Variants in BCAS3 observed in about 807,000 individuals in gnomAD.
The protein encoded by BCAS3 is BCAS4/BCAS3 fusion.
BCAS3 carries 53 observed loss-of-function variants against 116.1 expected under a neutral mutation model. That is an observed-to-expected ratio of 0.46 (90% confidence interval 0.37 to 0.57). The LOEUF (loss-of-function observed/expected upper bound fraction) is 0.57, where lower values mean the gene tolerates loss of function less well. BCAS3 is among the 20% of genes least tolerant of loss of function. BCAS3 has a pLI of 0.00. For missense variants in BCAS3, 917 were observed against 1,165.4 expected, an observed-to-expected ratio of 0.79 and a Z score of 3.10; for synonymous variants, 391 against 408.2, an observed-to-expected ratio of 0.96 and a Z score of 0.51.
In BCAS3 at chr17:60,917,899, C is replaced by T. The variant is rs191418168; in HGVS notation, c.994-6508C>T. Among the ~76,000 whole-genome samples, 214 of 152,208 alleles carry T rather than the reference C, an allele frequency of 1.4e-3. 1 individual carries two copies. Among genetic ancestry groups the T allele is most frequent in the Non-Finnish European group, 2.2e-3 (147 of 67,998 alleles). On this transcript the variant is annotated intron_variant, in intron 12 of 23. Coordinates refer to ENST00000407086, the MANE Select transcript of BCAS3 (RefSeq NM_017679.5). The stretch of plus-strand genomic sequence containing the variant: ...TGAGCTACCGTGCCCCGCCACCTTT[C>T]GCCAATTTTGAATAATGCTTGTGTG...
At chr17:60,757,821 A>G (rs1054203049) in intron 6 of BCAS3, among the ~76,000 whole-genome samples, 1 of 152,116 alleles carries the variant, frequency 6.6e-6, no homozygotes, top group Non-Finnish European at 1.5e-5. Context: ...GGTCTTAGTC[A>G]TGAAGGTTTT....
rs1365846172 is a variant in BCAS3 at position 61,029,176 on chromosome 17, A to T, written c.1638-5490A>T. Among the ~76,000 whole-genome samples the T allele has an allele frequency of 6.6e-6, 1 of 151,976 alleles. No homozygotes were observed. The highest frequency in any genetic ancestry group is 1.5e-5 in the Non-Finnish European group (1 of 67,872). On this transcript the variant is annotated intron_variant, in intron 16 of 23. Coordinates refer to ENST00000407086, the MANE Select transcript of BCAS3 (RefSeq NM_017679.5). The surrounding 1 kb of genome is among the most constrained non-coding windows in gnomAD (Gnocchi z 5.2). ...TTAAATGAAATGTAAATTTTCTACA[A>T]ACTTTTTATTAGTTTCGAGTTGCAA... is the stretch of plus-strand genomic sequence containing the variant.
chr17:60,987,353 A>C (rs1256000306), intron 14 of BCAS3, among the ~76,000 whole-genome samples: 1 of 135,318 alleles, frequency 7.4e-6, no homozygotes, highest in Non-Finnish European at 1.6e-5. Context: ...ACATTTTAGG[A>C]TTTTTTTTTC....
At chr17:60,866,868 TC>T (rs1314489930) in intron 7 of BCAS3, among the ~76,000 whole-genome samples, 1 of 152,152 alleles carries the variant, frequency 6.6e-6, no homozygotes, top group South Asian at 2.1e-4. Flanking sequence ...TTTTATTGAT[TC>T]CCCCTTTGCT....
Position 61,313,684 on chromosome 17 carries a change from G to T in BCAS3, c.2426-54643G>T, listed in dbSNP as rs1308545161. 6.6e-6 allele frequency among the ~76,000 whole-genome samples: 1 copy of T among 152,188 alleles called. No individual in the cohort carries two copies. The highest frequency in any genetic ancestry group is 1.5e-5 in the Non-Finnish European group (1 of 68,036). On this transcript the variant is annotated intron_variant, in intron 22 of 23. Coordinates refer to ENST00000407086, the MANE Select transcript of BCAS3 (RefSeq NM_017679.5). The surrounding 1 kb of genome is among the most constrained non-coding windows in gnomAD (Gnocchi z 4.3). The stretch of plus-strand genomic sequence containing the variant: ...ACAGCATCTGGAGGAGGACTTTCCG[G>T]CCAGGGTACAGCTCCTCTAGGCTGA...
rs1474821277 is a variant in BCAS3 at position 61,026,627 on chromosome 17, G to T, written c.1638-8039G>T. ...TTAGAAATACTACAGGGGTGCTCCA[G>T]AAAAGGGGGAGAAATAGAAAATTTT... On this transcript the variant is annotated intron_variant, in intron 16 of 23. Coordinates refer to ENST00000407086, the MANE Select transcript of BCAS3 (RefSeq NM_017679.5). The surrounding 1 kb of genome is among the most constrained non-coding windows in gnomAD (Gnocchi z 5.0). 6.6e-6 allele frequency among the ~76,000 whole-genome samples: 1 copy of T among 151,894 alleles called. No individual in the cohort carries two copies. Among genetic ancestry groups the T allele is most frequent in the Admixed American group, 6.6e-5 (1 of 15,222 alleles).
chr17:60,706,247 A>G (rs1257727318), intron 4 of BCAS3, among the ~76,000 whole-genome samples: 1 of 151,894 alleles, frequency 6.6e-6, no homozygotes, highest in African/African-American at 2.4e-5. Flanking sequence ...TATTTTTAGT[A>G]GAGATGGGGT....
chr17:61,329,439 C>A (rs2056055697), intron 22 of BCAS3, among the ~76,000 whole-genome samples: 1 of 150,752 alleles, frequency 6.6e-6, no homozygotes, highest in Non-Finnish European at 1.5e-5. Context: ...CTCCCGAGTT[C>A]ACGCCATTCT....
chr17:61,312,505 C>T (rs1272299283), intron 22 of BCAS3, among the ~76,000 whole-genome samples: 1 of 152,178 alleles, frequency 6.6e-6, no homozygotes, highest in African/African-American at 2.4e-5. Flanking sequence ...CACAAACAGG[C>T]TTTTCTTTAA....
intron 22 of BCAS3, among the ~76,000 whole-genome samples, chr17:61,169,531 C>T (rs1266645533): frequency 6.6e-6 from 1 of 152,104 alleles, no homozygotes; most frequent in African/African-American, 2.4e-5. Context: ...TCTTGGCCTC[C>T]CAAAGTGCTA....
intron 7 of BCAS3, among the ~76,000 whole-genome samples, chr17:60,823,882 G>C (rs1318446947): frequency 1.3e-5 from 2 of 151,906 alleles, no homozygotes; most frequent in East Asian, 3.9e-4. Flanking sequence ...TTTAATTTTA[G>C]TACCATAGTG....
chr17:60,840,422 G>A (rs942860303), intron 7 of BCAS3, among the ~76,000 whole-genome samples: 11 of 152,024 alleles, frequency 7.2e-5, no homozygotes, highest in Admixed American at 7.2e-4. Context: ...AAAGCTCAAG[G>A]CACTTAGCTC....
intron 22 of BCAS3, among the ~76,000 whole-genome samples, chr17:61,221,508 G>A (rs968265039): frequency 6.6e-6 from 1 of 152,114 alleles, no homozygotes; most frequent in African/African-American, 2.4e-5. Context: ...AGCTATTAAG[G>A]GATAAATCTG....
intron 22 of BCAS3, among the ~76,000 whole-genome samples, chr17:61,351,096 G>C (rs1010802628): frequency 6.6e-6 from 1 of 152,178 alleles, no homozygotes; most frequent in Admixed American, 6.5e-5. Context: ...CATTCATTCA[G>C]TAAACAATTA....
chr17:60,791,310 G>C (rs909206945), intron 6 of BCAS3, among the ~76,000 whole-genome samples: 1 of 152,096 alleles, frequency 6.6e-6, no homozygotes, highest in Admixed American at 6.6e-5. Flanking sequence ...CTTTGGATTA[G>C]ACCTCATTAT....
At position 61,045,864 on chromosome 17, in the gene BCAS3, T is replaced by TAAAATATATATAAATATATATTATATATA. The variant is rs377617187; in HGVS notation, c.2029+4975_2029+4976insATATATATAAATATATATTATATATAAAA. 8.6e-4 allele frequency among the ~76,000 whole-genome samples: 27 copies of TAAAATATATATAAATATATATTATATATA among 31,454 alleles called. 1 individual carries two copies. Among genetic ancestry groups the TAAAATATATATAAATATATATTATATATA allele is most frequent in the Non-Finnish European group, 1.0e-3 (24 of 22,978 alleles). The allele number at this position is 31,454 out of a possible 152,430, so 20.6% of individuals were successfully genotyped here. Reference sequence around the variant, plus strand: ...CTCTCTCTCTCTATATATATATATATAAATATATATAAATATATATTATAT... The same window carrying TAAAATATATATAAATATATATTATATATA: ...CTCTCTCTCTCTATATATATATATATAAAATATATATAAATATATATTATATATAAAATATATATAAATATATATTATAT... On this transcript the variant is annotated intron_variant, in intron 19 of 23. Coordinates refer to ENST00000407086, the MANE Select transcript of BCAS3 (RefSeq NM_017679.5).
chr17:61,235,037 G>A lies in BCAS3; in HGVS notation c.2426-133290G>A, dbSNP rs1436759907. On this transcript the variant is annotated intron_variant, in intron 22 of 23. Transcript: ENST00000407086. This position sits in a 1 kb window ranked among gnomAD's most constrained non-coding sequence, Gnocchi z 5.0. Reference sequence around the variant, plus strand: ...CGAGTAGCTGGGACTATAGGCGCACGCCACCACTCCTGGCTAAGTTTTGTA... The same window carrying A: ...CGAGTAGCTGGGACTATAGGCGCACACCACCACTCCTGGCTAAGTTTTGTA... Among the ~76,000 whole-genome samples, 8 of 152,034 alleles carry A rather than the reference G, an allele frequency of 5.3e-5. No individual in the cohort carries two copies. The highest frequency in any genetic ancestry group is 3.3e-4 in the Admixed American group (5 of 15,262).
chr17:61,090,260 G>C (rs1410574337), intron 22 of BCAS3, among the ~76,000 whole-genome samples: 2 of 152,158 alleles, frequency 1.3e-5, no homozygotes, highest in Non-Finnish European at 2.9e-5. Flanking sequence ...AATAAATGAT[G>C]TGATTTTCAA....
At chr17:61,062,228 A>C (rs1049515147) in intron 19 of BCAS3, among the ~76,000 whole-genome samples, 1 of 152,180 alleles carries the variant, frequency 6.6e-6, no homozygotes, top group Non-Finnish European at 1.5e-5. Flanking sequence ...AAGGTAACAA[A>C]AAATATCCAG....
Sources: allele counts gnomAD v4.1 joint callset (sites outside exome capture counted in the v4.1 genomes callset), GRCh38; gene constraint gnomAD v4.1.1; non-coding constraint Gnocchi (gnomAD v3.1); transcripts MANE v1.5; gene names NCBI Gene and HGNC (gene_info 2026-07-23, HGNC 2026-07-21).